AGBL1: variants seen among roughly 807,000 people sequenced by gnomAD.
AGBL1 encodes the protein AGBL carboxypeptidase 1, also known as cytosolic carboxypeptidase 4.
Under a neutral mutation model 118.9 loss-of-function variants are expected in AGBL1, and 130 were observed. The ratio of observed to expected loss-of-function variants is 1.09; its 90% CI spans 0.95 to 1.26. The LOEUF (loss-of-function observed/expected upper bound fraction) is 1.26. Ranked by LOEUF, AGBL1 falls within the 50% of genes most tolerant of loss-of-function variation. AGBL1 has a pLI of 0.00. For missense variants in AGBL1, 1,584 were observed against 1,298.1 expected, an observed-to-expected ratio of 1.22 and a Z score of -3.38; for synonymous variants, 555 against 478.9, an observed-to-expected ratio of 1.16 and a Z score of -2.08.
intron 22 of AGBL1, among the ~76,000 whole-genome samples, chr15:86,804,296 A>G (rs1312593148): frequency 2.0e-5 from 3 of 152,206 alleles, no homozygotes; most frequent in Admixed American, 2.0e-4. Flanking sequence ...GTTAATTGTC[A>G]TTAGAAAAGG....
intron 18 of AGBL1, among the ~76,000 whole-genome samples, chr15:86,472,712 A>G (rs942052103): frequency 6.6e-6 from 1 of 152,212 alleles, no homozygotes; most frequent in East Asian, 1.9e-4. Context: ...TGAGGTCAGG[A>G]GTTCAAGACC....
chr15:86,433,126 G>C (rs1858230437), intron 18 of AGBL1, among the ~76,000 whole-genome samples: 2 of 152,152 alleles, frequency 1.3e-5, no homozygotes, highest in Admixed American at 1.3e-4. Context: ...TCAGTGGCCT[G>C]GGAGGACTGA....
chr15:87,020,349 C>A (rs1003207174), intron 24 of AGBL1, among the ~76,000 whole-genome samples: 1 of 151,986 alleles, frequency 6.6e-6, no homozygotes, highest in African/African-American at 2.4e-5. Flanking sequence ...AAGGAACATA[C>A]CTTAAAATAA....
intron 23 of AGBL1, among the ~76,000 whole-genome samples, chr15:86,938,388 T>C (rs2080703239): frequency 6.6e-6 from 1 of 152,206 alleles, no homozygotes; most frequent in Non-Finnish European, 1.5e-5. Context: ...GAAGAAACTT[T>C]TGACCTAATT....
chr15:86,758,101 C>G (rs953376980), intron 22 of AGBL1, among the ~76,000 whole-genome samples: 8 of 152,064 alleles, frequency 5.3e-5, no homozygotes, highest in African/African-American at 1.7e-4. Flanking sequence ...CTTCCCAATT[C>G]TCCTATGGTA....
chr15:86,293,180 T>C (rs1454076215), intron 16 of AGBL1, among the ~76,000 whole-genome samples: 1 of 152,226 alleles, frequency 6.6e-6, no homozygotes, highest in Non-Finnish European at 1.5e-5. Context: ...TTCCCTTGTA[T>C]GTTAGTTGTC....
At chr15:86,592,851 C>T (rs1185863800) in intron 21 of AGBL1, among the ~76,000 whole-genome samples, 3 of 152,140 alleles carry the variant, frequency 2.0e-5, no homozygotes, top group Non-Finnish European at 4.4e-5. Context: ...CAGACCAACA[C>T]CCAATGGTTG....
chr15:86,826,503 C>A (rs1228172723), intron 22 of AGBL1, among the ~76,000 whole-genome samples: 1 of 152,154 alleles, frequency 6.6e-6, no homozygotes, highest in Non-Finnish European at 1.5e-5. Flanking sequence ...GGTCCTTACA[C>A]TTGAACTTTA....
intron 24 of AGBL1, among the ~76,000 whole-genome samples, chr15:87,010,372 G>C (rs28763632): frequency 1.3e-5 from 2 of 152,014 alleles, no homozygotes; most frequent in Non-Finnish European, 2.9e-5. Context: ...CTGTAAATCC[G>C]TTAAACCTCT....
At chr15:86,403,715 C>CCCT (rs1233294799) in intron 18 of AGBL1, among the ~76,000 whole-genome samples, 1 of 152,186 alleles carries the variant, frequency 6.6e-6, no homozygotes, top group Non-Finnish European at 1.5e-5. Flanking sequence ...GTTGAGCACA[C>CCCT]AGGCGTTCAG....
chr15:86,893,224 A>G (rs2080076005), intron 22 of AGBL1, among the ~76,000 whole-genome samples: 1 of 152,110 alleles, frequency 6.6e-6, no homozygotes, highest in Non-Finnish European at 1.5e-5. Context: ...ATGCTGGATG[A>G]ATCTGAGTGT....
intron 9 of AGBL1, among the ~76,000 whole-genome samples, chr15:86,260,085 G>A (rs112324776): frequency 4.6e-5 from 7 of 152,386 alleles, no homozygotes; most frequent in South Asian, 2.1e-4. Context: ...TGAGAAGTCA[G>A]TGTGAGGATG....
At chr15:86,139,718 CAATT>C (rs2076936083) in intron 1 of AGBL1, 1 of 151,984 alleles carries the variant, frequency 6.6e-6, no homozygotes, top group African/African-American at 2.4e-5. Context: ...TCTTGTTCAT[CAATT>C]AATTTACAAA....
chr15:86,524,543 G>C (rs1318985683), intron 19 of AGBL1, among the ~76,000 whole-genome samples: 1 of 152,138 alleles, frequency 6.6e-6, no homozygotes, highest in Non-Finnish European at 1.5e-5. Flanking sequence ...CAGGGTTTTT[G>C]TTGGGGGGTC....
intron 5 of AGBL1, among the ~76,000 whole-genome samples, chr15:86,193,509 G>C (rs1295099641): frequency 1.3e-5 from 2 of 152,152 alleles, no homozygotes; most frequent in African/African-American, 4.8e-5. Context: ...GCCCACTTGA[G>C]ATGAAACCAC....
intron 17 of AGBL1, among the ~76,000 whole-genome samples, chr15:86,336,468 A>G (rs964020476): frequency 6.6e-6 from 1 of 152,238 alleles, no homozygotes; most frequent in Non-Finnish European, 1.5e-5. Flanking sequence ...ATTTGGAGCT[A>G]AGTGAATAAT....
chr15:86,501,217 T>A (rs2082914194), intron 18 of AGBL1, among the ~76,000 whole-genome samples: 1 of 151,696 alleles, frequency 6.6e-6, no homozygotes, highest in Non-Finnish European at 1.5e-5. Context: ...TGAAATGGTA[T>A]CTTTTTGTAA....
At chr15:86,113,292 T>C (rs1340750366) in intron 1 of AGBL1, among the ~76,000 whole-genome samples, 2 of 112,154 alleles carry the variant, frequency 1.8e-5, no homozygotes, top group African/African-American at 6.1e-5. Flanking sequence ...TCTTTCTTTT[T>C]TTTTTTTTTT....
intron 23 of AGBL1, among the ~76,000 whole-genome samples, chr15:86,950,565 ATATT>A (rs1267432274): frequency 3.3e-5 from 5 of 151,450 alleles, no homozygotes; most frequent in Admixed American, 6.6e-5. Flanking sequence ...TTGTGTGTGT[ATATT>A]TATTTATAAG....
Sources: gnomAD v4.1 joint callset for allele counts (sites outside exome capture counted in the v4.1 genomes callset) on GRCh38, gnomAD v4.1.1 for gene constraint, MANE v1.5 for transcripts, NCBI Gene and HGNC (gene_info 2026-07-23, HGNC 2026-07-21) for gene names.